The following ANKFN1 variants were observed in gnomAD, a reference collection of about 807,000 sequenced individuals.
ANKFN1 encodes ankyrin repeat and fibronectin type III domain containing 1.
In ANKFN1, 74 loss-of-function variants were observed where a neutral mutation model predicts 108.7. That is an observed-to-expected ratio of 0.68 (90% CI 0.56 to 0.83). The LOEUF (loss-of-function observed/expected upper bound fraction) is 0.83. Ranked by LOEUF, ANKFN1 falls within the 40% of genes least tolerant of loss-of-function variation. The probability of loss-of-function intolerance (pLI) is 0.00; values close to 1 mark genes in which losing one functional copy is unlikely to be tolerated. For missense variants in ANKFN1, 1,505 were observed against 1,382.3 expected (o/e 1.09, Z -1.41); for synonymous variants, 547 against 516.2 (o/e 1.06, Z -0.81).
chr17:56,326,116 C>A (rs780054107), intron 3 of ANKFN1, 105 bp from the exon 4 acceptor site: 83 of 1,439,072 alleles, frequency 5.8e-5, no homozygotes, highest in Non-Finnish European at 7.5e-5. Flanking sequence ...CCTTTCTCTC[C>A]CTATGCATCA....
At chr17:56,087,507 A>C (rs1905338098) in intron 4 of ANKFN1, among the ~76,000 whole-genome samples, 1 of 150,604 alleles carries the variant, frequency 6.6e-6, no homozygotes, top group African/African-American at 2.5e-5. Context: ...TTTGCCCTTC[A>C]ATTTAGCTCA....
rs995028798 is a variant in ANKFN1 at position 56,058,344 on chromosome 17, A to G, written c.288+12019A>G. 3.3e-5 allele frequency among the ~76,000 whole-genome samples: 5 copies of G among 152,292 alleles called. 1 individual carries two copies. The highest frequency in any genetic ancestry group is 6.8e-3 in the Middle Eastern group (2 of 294). On this transcript the variant is annotated intron_variant, in intron 4 of 12. Transcript: ENST00000635860. ...CACCTTCATGAATAATCTTAGCTAGATCCTCTGGAAACATTTCTGCAGCTT... is the reference window on the plus strand; with the variant it reads ...CACCTTCATGAATAATCTTAGCTAGGTCCTCTGGAAACATTTCTGCAGCTT...
intron 8 of ANKFN1, among the ~76,000 whole-genome samples, chr17:56,432,819 G>A (rs953866156): frequency 3.9e-5 from 6 of 152,128 alleles, no homozygotes; most frequent in Admixed American, 3.9e-4. Flanking sequence ...CTTGACTCCT[G>A]ATGTCAGGAT....
intron 3 of ANKFN1, among the ~76,000 whole-genome samples, chr17:56,270,792 GT>G (rs1414101845): frequency 1.3e-5 from 2 of 152,032 alleles, no homozygotes; most frequent in Non-Finnish European, 2.9e-5. Flanking sequence ...GGGTCTTTTT[GT>G]TGTTTCCTCA....
At chr17:56,402,135 G>A (rs957553631) in intron 8 of ANKFN1, among the ~76,000 whole-genome samples, 1 of 152,090 alleles carries the variant, frequency 6.6e-6, no homozygotes, top group African/African-American at 2.4e-5. Context: ...GTTCATGAAG[G>A]ATATCAGTCT....
At chr17:56,441,653 C>T (rs887773797) in intron 9 of ANKFN1, among the ~76,000 whole-genome samples, 3 of 152,284 alleles carry the variant, frequency 2.0e-5, no homozygotes, top group East Asian at 1.9e-4. Flanking sequence ...AAATGGAAAA[C>T]TCTCCATAAA....
At chr17:56,282,323 AAG>A (rs1238175048) in intron 3 of ANKFN1, among the ~76,000 whole-genome samples, 3 of 151,292 alleles carry the variant, frequency 2.0e-5, no homozygotes, top group Non-Finnish European at 4.4e-5. Context: ...TGTTGGAGGG[AAG>A]AGGGTGTGCA....
intron 1 of ANKFN1, among the ~76,000 whole-genome samples, chr17:56,188,664 T>G (rs888668731): frequency 7.1e-6 from 1 of 140,948 alleles, no homozygotes; most frequent in Non-Finnish European, 1.5e-5. Context: ...ACAGAGCTCT[T>G]GAAACACGTA....
intron 5 of ANKFN1, among the ~76,000 whole-genome samples, 190 bp downstream of exon 5, chr17:56,351,157 G>A (rs2046237834): frequency 6.6e-6 from 1 of 151,920 alleles, no homozygotes; most frequent in Non-Finnish European, 1.5e-5. Flanking sequence ...GTGATTGTGA[G>A]CTGTTTCTCT....
chr17:56,120,532 C>T (rs1414651197), intron 4 of ANKFN1, among the ~76,000 whole-genome samples: 1 of 152,152 alleles, frequency 6.6e-6, no homozygotes, highest in East Asian at 1.9e-4. Context: ...TGGAAGCCAA[C>T]TCTTATGACT....
intron 8 of ANKFN1, among the ~76,000 whole-genome samples, chr17:56,425,291 C>A (rs2048527247): frequency 6.6e-6 from 1 of 152,104 alleles, no homozygotes; most frequent in Admixed American, 6.5e-5. Context: ...CAGGAAATTT[C>A]CTCCCCCTCA....
chr17:56,439,750 C>G lies in ANKFN1; in HGVS notation c.911-577C>G, dbSNP rs976955848. On this transcript the variant is annotated intron_variant, in intron 8 of 20. Coordinates refer to ENST00000682825, the MANE Select transcript of ANKFN1 (RefSeq NM_001370326.1). Reference sequence around the variant, plus strand: ...AGGCTTCTTTATTTGGAGTGAAAATCTCACTCAGACCTTAAGAGAGGCTTT... The same window carrying G: ...AGGCTTCTTTATTTGGAGTGAAAATGTCACTCAGACCTTAAGAGAGGCTTT... Among the ~76,000 whole-genome samples, 9 of 152,130 alleles carry G rather than the reference C, an allele frequency of 5.9e-5. No homozygotes were observed. In the South Asian group the frequency reaches 1.9e-3, roughly 32 times the overall value.
chr17:56,381,950 T>A (rs991865330), intron 8 of ANKFN1, among the ~76,000 whole-genome samples: 1 of 151,798 alleles, frequency 6.6e-6, no homozygotes, highest in African/African-American at 2.4e-5. Flanking sequence ...ACAAAGATAC[T>A]CCTCGAGAAG....
At chr17:56,330,321 T>TA (rs894721748) in intron 4 of ANKFN1, among the ~76,000 whole-genome samples, 1 of 150,374 alleles carries the variant, frequency 6.7e-6, no homozygotes, top group Non-Finnish European at 1.5e-5. Context: ...AACTCCCATT[T>TA]AAAAAATCAT....
intron 8 of ANKFN1, among the ~76,000 whole-genome samples, chr17:56,376,987 A>G (rs1389352484): frequency 6.6e-6 from 1 of 152,200 alleles, no homozygotes; most frequent in Non-Finnish European, 1.5e-5. Context: ...TAGTGTAATT[A>G]TTTTGTTTGC....
intron 8 of ANKFN1, among the ~76,000 whole-genome samples, chr17:56,386,256 G>A (rs188020151): frequency 1.3e-5 from 2 of 152,004 alleles, no homozygotes; most frequent in East Asian, 3.9e-4. Flanking sequence ...TCACTCATAG[G>A]TGGGAATTGA....
intron 4 of ANKFN1, among the ~76,000 whole-genome samples, chr17:56,141,228 A>ATC: frequency 6.6e-6 from 1 of 152,292 alleles, no homozygotes; most frequent in South Asian, 2.1e-4. Context: ...AGAAACACAA[A>ATC]TCTGTAGACA....
At chr17:56,318,021 C>T (rs75889765) in intron 3 of ANKFN1, among the ~76,000 whole-genome samples, 1 of 152,182 alleles carries the variant, frequency 6.6e-6, no homozygotes, top group East Asian at 1.9e-4. Context: ...CCTTGTTCAG[C>T]TCTTTAGTGC....
intron 3 of ANKFN1, among the ~76,000 whole-genome samples, chr17:56,234,368 G>A (rs1916955942): frequency 6.6e-6 from 1 of 151,434 alleles, no homozygotes; most frequent in South Asian, 2.1e-4. Context: ...TTTTATTTTA[G>A]GTTAACAGGT....
Sources: gnomAD v4.1 joint callset for allele counts (sites outside exome capture counted in the v4.1 genomes callset) on GRCh38, gnomAD v4.1.1 for gene constraint, MANE v1.5 for transcripts, NCBI Gene and HGNC (gene_info 2026-07-23, HGNC 2026-07-21) for gene names.